MYO5B: variants seen among roughly 807,000 people sequenced by gnomAD.
MYO5B encodes the protein unconventional myosin-Vb.
Under a neutral mutation model 229.3 loss-of-function variants are expected in MYO5B, and 143 were observed. That is an observed-to-expected ratio of 0.62 (90% CI 0.54 to 0.72). MYO5B has a LOEUF of 0.72. Ranked by LOEUF, MYO5B falls within the 30% of genes least tolerant of loss-of-function variation. The probability of loss-of-function intolerance (pLI) is 0.00; values close to 1 mark genes in which losing one functional copy is unlikely to be tolerated. For synonymous variants in MYO5B, 918 were observed against 885.2 expected (o/e 1.04, Z -0.66); for missense variants, 2,321 against 2,331.0 (o/e 1.00, Z 0.09).
At chr18:50,039,294 T>C (rs762505227) in intron 3 of MYO5B, among the ~76,000 whole-genome samples, 3 of 152,152 alleles carry the variant, frequency 2.0e-5, no homozygotes, top group Admixed American at 6.6e-5. Flanking sequence ...GATCAGAATT[T>C]GTGATATAGG....
At chr18:49,848,290 A>G (rs1001668404) in intron 32 of MYO5B, among the ~76,000 whole-genome samples, 2 of 151,444 alleles carry the variant, frequency 1.3e-5, no homozygotes, top group African/African-American at 2.4e-5. Context: ...GGTGGGATGA[A>G]GGGTGGGTGC....
intron 1 of MYO5B, among the ~76,000 whole-genome samples, chr18:50,130,753 C>T (rs542963346): frequency 9.9e-5 from 15 of 152,264 alleles, no homozygotes; most frequent in African/African-American, 2.2e-4. Flanking sequence ...CAAACTCTTC[C>T]CTGGCCATTT....
At chr18:49,912,022 C>G (rs2024963818) in intron 18 of MYO5B, 40 bp downstream of exon 18, 1 of 1,513,662 alleles carries the variant, frequency 6.6e-7, no homozygotes, top group South Asian at 1.1e-5. Flanking sequence ...CTTTAGGGGA[C>G]CTGGTCAGGC....
intron 1 of MYO5B, among the ~76,000 whole-genome samples, chr18:50,099,482 C>G (rs925864089): frequency 1.3e-5 from 2 of 152,160 alleles, no homozygotes; most frequent in Non-Finnish European, 2.9e-5. Context: ...TGCCATGGTT[C>G]CTTCCACTCC....
chr18:50,080,060 G>A (rs1188105900), intron 1 of MYO5B, among the ~76,000 whole-genome samples: 1 of 152,140 alleles, frequency 6.6e-6, no homozygotes, highest in East Asian at 1.9e-4. Context: ...TAGTGGCCCT[G>A]AATACAATCA....
chr18:50,105,323 C>A (rs757160083), intron 1 of MYO5B, among the ~76,000 whole-genome samples: 2 of 152,054 alleles, frequency 1.3e-5, no homozygotes, highest in Non-Finnish European at 2.9e-5. Context: ...ATAGAGAGGG[C>A]TCCCCTTTAT....
intron 22 of MYO5B, among the ~76,000 whole-genome samples, chr18:49,885,228 T>A (rs531773216): frequency 6.6e-6 from 1 of 152,320 alleles, no homozygotes; most frequent in South Asian, 2.1e-4. Context: ...AGTCACAGGA[T>A]GCAGTCATCT....
intron 20 of MYO5B, 139 bp from the exon 21 acceptor site, chr18:49,902,972 G>T: frequency 9.2e-7 from 1 of 1,087,356 alleles, no homozygotes; most frequent in Middle Eastern, 2.0e-4. Context: ...TGCCCCCTAA[G>T]ATCTAAGGCT....
At chr18:49,871,764 A>C (rs755039287) in intron 27 of MYO5B, 1 of 298,316 alleles carries the variant, frequency 3.4e-6, no homozygotes, top group Non-Finnish European at 6.5e-6. Context: ...GCCTGTTCGG[A>C]AGCCCCTTTT....
chr18:49,870,412 A>G (rs552107528), intron 27 of MYO5B, among the ~76,000 whole-genome samples: 4 of 152,356 alleles, frequency 2.6e-5, no homozygotes, highest in Admixed American at 2.6e-4. Flanking sequence ...CCAAAGGCAC[A>G]GGCAACAATA....
At chr18:50,157,992 C>T (rs955506871) in intron 1 of MYO5B, among the ~76,000 whole-genome samples, 2 of 152,164 alleles carry the variant, frequency 1.3e-5, no homozygotes, top group East Asian at 1.9e-4. Context: ...CTGTATGTGA[C>T]GAAATGTGAT....
At chr18:50,070,039 T>TTTTTA (rs2030917168) in intron 1 of MYO5B, among the ~76,000 whole-genome samples, 1 of 129,650 alleles carries the variant, frequency 7.7e-6, no homozygotes. Flanking sequence ...TTTTTTTTTT[T>TTTTTA]GAGACAGGGT....
chr18:50,124,716 T>C (rs1200169116), intron 1 of MYO5B, among the ~76,000 whole-genome samples: 1 of 152,062 alleles, frequency 6.6e-6, no homozygotes, highest in Non-Finnish European at 1.5e-5. Context: ...GTGCCCTTCC[T>C]ATCAGTAACT....
chr18:49,991,653 A>G (rs534427543), intron 6 of MYO5B, among the ~76,000 whole-genome samples: 2 of 152,298 alleles, frequency 1.3e-5, no homozygotes, highest in East Asian at 1.9e-4. Context: ...GGAGGGGAAC[A>G]TCAAACACCG....
intron 1 of MYO5B, among the ~76,000 whole-genome samples, chr18:50,166,779 G>C (rs2032858382): frequency 6.6e-6 from 1 of 152,048 alleles, no homozygotes; most frequent in Non-Finnish European, 1.5e-5. Flanking sequence ...CCACTGAGAG[G>C]AACACAATGC....
chr18:50,074,949 T>G (rs1183344053), intron 1 of MYO5B, among the ~76,000 whole-genome samples: 4 of 151,664 alleles, frequency 2.6e-5, no homozygotes. Context: ...GCCTCCCGAG[T>G]ATCTGGGATT....
intron 33 of MYO5B, among the ~76,000 whole-genome samples, 192 bp from the exon 34 acceptor site, chr18:49,843,584 A>G (rs2024089292): frequency 6.6e-6 from 1 of 152,232 alleles, no homozygotes; most frequent in South Asian, 2.1e-4. Flanking sequence ...CAGTAGTTTC[A>G]GACACTGTGG....
intron 1 of MYO5B, among the ~76,000 whole-genome samples, chr18:50,056,409 CT>C (rs930626929): frequency 6.6e-6 from 1 of 152,178 alleles, no homozygotes; most frequent in African/African-American, 2.4e-5. Flanking sequence ...GCATCTGGAT[CT>C]CCTGGGATCC....
intron 22 of MYO5B, among the ~76,000 whole-genome samples, chr18:49,885,437 C>T (rs1407093762): frequency 6.6e-6 from 1 of 152,094 alleles, no homozygotes; most frequent in Admixed American, 6.5e-5. Flanking sequence ...ACCTGCACCC[C>T]CATCAGACAG....
Sources: allele counts gnomAD v4.1 joint callset (sites outside exome capture counted in the v4.1 genomes callset), GRCh38; gene constraint gnomAD v4.1.1; transcripts MANE v1.5; gene names NCBI Gene and HGNC (gene_info 2026-07-23, HGNC 2026-07-21).